The following INPP4B variants were observed in gnomAD, a reference collection of about 807,000 sequenced individuals.
INPP4B encodes inositol polyphosphate-4-phosphatase type II B, also known as inositol polyphosphate 4-phosphatase type II.
A neutral mutation model predicts 122.5 loss-of-function variants in INPP4B; 55 were observed. That is an observed-to-expected ratio of 0.45 (90% CI 0.36 to 0.56). The LOEUF (loss-of-function observed/expected upper bound fraction) is 0.56. Ranked by LOEUF, INPP4B falls within the 20% of genes least tolerant of loss-of-function variation. The pLI is 0.00. For missense variants in INPP4B, 1,000 were observed against 1,097.7 expected (o/e 0.91, Z 1.26); for synonymous variants, 403 against 388.7 (o/e 1.04, Z -0.43).
At chr4:142,598,221 C>T (rs1739129871) in intron 2 of INPP4B, among the ~76,000 whole-genome samples, 2 of 152,128 alleles carry the variant, frequency 1.3e-5, no homozygotes, top group South Asian at 2.1e-4. Context: ...AGTGAGAGAA[C>T]TTCAGTGGTC....
chr4:142,162,151 G>A (rs954543219), intron 16 of INPP4B, among the ~76,000 whole-genome samples: 2 of 151,220 alleles, frequency 1.3e-5, no homozygotes, highest in Admixed American at 6.6e-5. Context: ...CCACTTTGAA[G>A]GTGAGAAAAC....
intron 7 of INPP4B, among the ~76,000 whole-genome samples, chr4:142,355,933 G>T (rs553885098): frequency 4.6e-5 from 7 of 151,150 alleles, no homozygotes; most frequent in Non-Finnish European, 8.9e-5. Flanking sequence ...AACCTCAAGA[G>T]AAATGAACAG....
chr4:142,837,594 A>T (rs1782953873), intron 1 of INPP4B, among the ~76,000 whole-genome samples: 1 of 152,178 alleles, frequency 6.6e-6, no homozygotes, highest in Non-Finnish European at 1.5e-5. Flanking sequence ...TGTCTATAAG[A>T]AGGGCTCAAT....
intron 18 of INPP4B, 55 bp downstream of exon 18, chr4:142,145,785 G>T: frequency 7.9e-6 from 12 of 1,518,874 alleles, no homozygotes; most frequent in Admixed American, 5.7e-5. Flanking sequence ...TTTTTTTCAC[G>T]AGTTTCTCAT....
intron 7 of INPP4B, chr4:142,347,296 A>G (rs1780589241): frequency 5.9e-6 from 1 of 170,550 alleles, no homozygotes; most frequent in Admixed American, 6.2e-5. Context: ...TCTTCAACCA[A>G]CCTCTTAATA....
chr4:142,526,284 A>T (rs534111560), intron 2 of INPP4B, among the ~76,000 whole-genome samples: 1 of 152,182 alleles, frequency 6.6e-6, no homozygotes, highest in African/African-American at 2.4e-5. Context: ...AATAGGTGTA[A>T]AAGTGCACAA....
At chr4:142,515,644 T>C (rs763080755) in intron 2 of INPP4B, among the ~76,000 whole-genome samples, 2 of 152,100 alleles carry the variant, frequency 1.3e-5, no homozygotes, top group East Asian at 1.9e-4. Context: ...CTCAGAGCAG[T>C]GGGAAACAGG....
At chr4:142,391,875 G>A (rs1797804429) in intron 7 of INPP4B, among the ~76,000 whole-genome samples, 1 of 152,170 alleles carries the variant, frequency 6.6e-6, no homozygotes, top group South Asian at 2.1e-4. Flanking sequence ...ATTTTATGAA[G>A]GGATTTTATT....
chr4:142,134,040 A>G (rs184694800), intron 18 of INPP4B, among the ~76,000 whole-genome samples: 111 of 152,320 alleles, frequency 7.3e-4, no homozygotes, highest in Non-Finnish European at 1.5e-3. Flanking sequence ...TCTCTTTGCT[A>G]CTAGAGCATA....
chr4:142,123,229 T>G, intron 20 of INPP4B, 63 bp downstream of exon 20: 2 of 1,351,306 alleles, frequency 1.5e-6, no homozygotes, highest in Admixed American at 2.4e-5. Context: ...CTTGAAAAAT[T>G]TCTGGATTAA....
intron 2 of INPP4B, among the ~76,000 whole-genome samples, chr4:142,581,258 C>T (rs541478132): frequency 6.6e-6 from 1 of 152,070 alleles, no homozygotes; most frequent in Non-Finnish European, 1.5e-5. Flanking sequence ...GCTTTAGAGG[C>T]TGTTTCTCCA....
At position 142,645,849 on chromosome 4, in the gene INPP4B, G is replaced by A. The variant is rs142437713; in HGVS notation, c.-191+79990C>T. Among the ~76,000 whole-genome samples, 404 of 152,316 alleles carry A rather than the reference G, an allele frequency of 2.7e-3. 6 individuals carry two copies. The highest frequency in any genetic ancestry group is 0.018 in the East Asian group (94 of 5,180). ...TGTAAGCATTGACTCATCTTGAGAA[G>A]TTAAGCAGCGACAAGGAGGAAGAAA... On this transcript the variant is annotated intron_variant, in intron 2 of 25. Transcript: ENST00000262992.
intron 14 of INPP4B, among the ~76,000 whole-genome samples, chr4:142,198,384 A>C (rs929451830): frequency 6.6e-6 from 1 of 152,040 alleles, no homozygotes; most frequent in Non-Finnish European, 1.5e-5. Context: ...TTATAAGCAA[A>C]ATTAATTTTG....
chr4:142,220,617 C>T (rs1848980436), intron 12 of INPP4B, among the ~76,000 whole-genome samples: 1 of 152,138 alleles, frequency 6.6e-6, no homozygotes, highest in Admixed American at 6.5e-5. Context: ...GCAGAGATGA[C>T]ATTAAGTCCA....
intron 2 of INPP4B, among the ~76,000 whole-genome samples, chr4:142,598,335 G>A (rs1331344167): frequency 1.3e-5 from 2 of 152,168 alleles, no homozygotes; most frequent in African/African-American, 2.4e-5. Context: ...CACCACAAGG[G>A]CATTATACCA....
At chr4:142,332,563 C>T (rs2151556437) in intron 7 of INPP4B, among the ~76,000 whole-genome samples, 1 of 152,012 alleles carries the variant, frequency 6.6e-6, no homozygotes, top group African/African-American at 2.4e-5. Flanking sequence ...GGTGTTTGAG[C>T]TAGATAAACC....
chr4:142,703,129 C>T (rs528578635), intron 2 of INPP4B, among the ~76,000 whole-genome samples: 1 of 152,100 alleles, frequency 6.6e-6, no homozygotes, highest in East Asian at 1.9e-4. Context: ...GGTACAGAAC[C>T]TGTTACTCTC....
chr4:142,744,339 A>G (rs1176445735), intron 1 of INPP4B, among the ~76,000 whole-genome samples: 1 of 151,948 alleles, frequency 6.6e-6, no homozygotes, highest in Non-Finnish European at 1.5e-5. Flanking sequence ...TACCATAAGT[A>G]TAATAGTAGT....
chr4:142,460,464 C>A (rs921443075), intron 3 of INPP4B, among the ~76,000 whole-genome samples: 5 of 152,144 alleles, frequency 3.3e-5, no homozygotes, highest in African/African-American at 1.2e-4. Flanking sequence ...ATTATTCAAT[C>A]CGGCTGGAAT....
Sources: gnomAD v4.1 joint callset for allele counts (sites outside exome capture counted in the v4.1 genomes callset) on GRCh38, gnomAD v4.1.1 for gene constraint, MANE v1.5 for transcripts, NCBI Gene and HGNC (gene_info 2026-07-23, HGNC 2026-07-21) for gene names.